STAU1: variants seen among roughly 807,000 people sequenced by gnomAD.
STAU1 encodes double-stranded RNA-binding protein Staufen homolog 1.
STAU1 carries 13 observed loss-of-function variants against 62.9 expected under a neutral mutation model. The ratio of observed to expected loss-of-function variants is 0.21; its 90% CI spans 0.13 to 0.33. The LOEUF is 0.33. Ranked by LOEUF, STAU1 falls within the 10% of genes least tolerant of loss-of-function variation. The probability of loss-of-function intolerance (pLI) is 1.00; values close to 1 mark genes in which losing one functional copy is unlikely to be tolerated. For missense variants in STAU1, 571 were observed against 712.1 expected (o/e 0.80, Z 2.25); for synonymous variants, 269 against 265.1 (o/e 1.01, Z -0.14).
chr20:49,190,844 T>C (rs900419557), upstream of STAU1, among the ~76,000 whole-genome samples: 3 of 152,004 alleles, frequency 2.0e-5, no homozygotes, highest in Admixed American at 6.6e-5. Context: ...AGATAAATTA[T>C]GTGCATCTGT....
At chr20:49,207,756 G>C in the STAU1 span, among the ~76,000 whole-genome samples, 1 of 151,700 alleles carries the variant, frequency 6.6e-6, no homozygotes. Flanking sequence ...GGCTGACCTC[G>C]TGATCCACCC....
rs1309573018 is a variant in STAU1, at chr20:49,181,763, C to CAAAAAAAAAAAAAAAAAAAAA, written c.-160+6352_-160+6353insTTTTTTTTTTTTTTTTTTTTT. ...CCTGGGCAACAGAGCAAGACTATCT[C>CAAAAAAAAAAAAAAAAAAAAA]AACAAAAAAAAAAAAAAAAAAAAAA... On this transcript the variant is annotated intron_variant, in intron 1 of 13. Transcript: ENST00000371856. 9.0e-5 allele frequency among the ~76,000 whole-genome samples: 6 copies of CAAAAAAAAAAAAAAAAAAAAA among 66,702 alleles called. 3 individuals carry two copies. The highest frequency in any genetic ancestry group is 1.1e-4 in the Non-Finnish European group (4 of 35,820). The allele number at this position is 66,702 out of a possible 152,430, so 43.8% of individuals were successfully genotyped here. A position where few individuals can be genotyped will look rare whatever the true frequency, so the allele number is the denominator to read the frequency against.
chr20:49,169,448 G>A (rs188354565), intron 2 of STAU1, among the ~76,000 whole-genome samples: 1 of 152,314 alleles, frequency 6.6e-6, no homozygotes, highest in Non-Finnish European at 1.5e-5. Flanking sequence ...GAACTTCTGT[G>A]TAAATTCTAA....
At chr20:49,197,934 C>G in the STAU1 span, among the ~76,000 whole-genome samples, 1 of 152,124 alleles carries the variant, frequency 6.6e-6, no homozygotes, top group Non-Finnish European at 1.5e-5. Flanking sequence ...GTCTCTAACT[C>G]CTGGCCTCAA....
At chr20:49,212,798 A>G in the STAU1 span, among the ~76,000 whole-genome samples, 4 of 151,332 alleles carry the variant, frequency 2.6e-5, no homozygotes, top group Admixed American at 2.0e-4. Flanking sequence ...GGGTTTCTCC[A>G]TGTTGGTCAG....
intron 6 of STAU1, among the ~76,000 whole-genome samples, chr20:49,128,899 A>G (rs1227710319): frequency 6.6e-6 from 1 of 152,052 alleles, no homozygotes; most frequent in Non-Finnish European, 1.5e-5. Flanking sequence ...AAATGACTTT[A>G]GGTTAGCCAA....
intron 6 of STAU1, among the ~76,000 whole-genome samples, chr20:49,133,525 T>A (rs2092800757): frequency 1.3e-5 from 2 of 152,160 alleles, no homozygotes; most frequent in Admixed American, 1.3e-4. Flanking sequence ...TCATGACTCC[T>A]TGGGATGCAG....
Position 49,117,653 on chromosome 20 carries a change from C to T in STAU1, c.1509+124G>A. The T allele has an allele frequency of 1.0e-6, 1 of 988,704 alleles. No homozygotes were observed. Among genetic ancestry groups the T allele is most frequent in the Non-Finnish European group, 1.5e-6 (1 of 687,186 alleles). 61.2% of individuals were successfully genotyped at this position (988,704 alleles called of 1,614,324 possible). On this transcript the variant is annotated intron_variant, in intron 11 of 13. Transcript: ENST00000371856. The surrounding 1 kb of genome is among the most constrained non-coding windows in gnomAD (Gnocchi z 4.6). ...CTCCTACCCTTCCATCACTGCTCCC[C>T]AGCCCATCCCTGGACAGAACTTGAT...
chr20:49,147,575 A>G (rs908348976), intron 5 of STAU1, among the ~76,000 whole-genome samples: 1 of 152,224 alleles, frequency 6.6e-6, no homozygotes, highest in Non-Finnish European at 1.5e-5. Flanking sequence ...GAACTTGGCC[A>G]TATGTACCAC....
intron 3 of STAU1, among the ~76,000 whole-genome samples, chr20:49,154,885 G>C (rs927309708): frequency 1.3e-5 from 2 of 150,206 alleles, no homozygotes; most frequent in Admixed American, 1.3e-4. Flanking sequence ...AGGAGTTCGA[G>C]ACCAGCCTGG....
At chr20:49,208,622 CT>C in the STAU1 span, among the ~76,000 whole-genome samples, 287 of 140,266 alleles carry the variant, frequency 2.0e-3, no homozygotes, top group African/African-American at 1.8e-3. Context: ...GAGATCCTGT[CT>C]TTTTTTTTTT....
intron 2 of STAU1, among the ~76,000 whole-genome samples, chr20:49,166,756 C>CT (rs1405776479): frequency 2.0e-5 from 3 of 152,168 alleles, no homozygotes; most frequent in Non-Finnish European, 4.4e-5. Flanking sequence ...GACCAAGGCT[C>CT]AGACTGACAA....
chr20:49,176,378 T>C (rs1467037528), intron 1 of STAU1, among the ~76,000 whole-genome samples: 3 of 152,200 alleles, frequency 2.0e-5, no homozygotes, highest in Non-Finnish European at 4.4e-5. Context: ...GAATTTGAGT[T>C]TAATTCTCAA....
intron 6 of STAU1, among the ~76,000 whole-genome samples, chr20:49,127,849 C>CA (rs894029264): frequency 1.1e-4 from 16 of 150,544 alleles, no homozygotes; most frequent in South Asian, 4.2e-4. Flanking sequence ...CCCGTCTCTA[C>CA]AAAAAAAATA....
intron 7 of STAU1, 83 bp downstream of exon 7, chr20:49,124,292 C>T: frequency 2.1e-6 from 3 of 1,452,692 alleles, no homozygotes; most frequent in Non-Finnish European, 1.9e-6. Flanking sequence ...CCCCTTTCAC[C>T]TTGGGGACAG....
At chr20:49,177,732 G>A (rs1020744218) in intron 1 of STAU1, among the ~76,000 whole-genome samples, 4 of 151,386 alleles carry the variant, frequency 2.6e-5, no homozygotes, top group East Asian at 1.9e-4. Flanking sequence ...ATATAAGAAC[G>A]GAAAAAGGAG....
At chr20:49,188,626 T>G (rs1013925614), upstream of STAU1, among the ~76,000 whole-genome samples, 37 of 152,154 alleles carry the variant, frequency 2.4e-4, no homozygotes, top group African/African-American at 8.7e-4. Context: ...TCGAAGCGGG[T>G]CTGGGAGAAC....
At chr20:49,145,934 C>T (rs1434576375) in intron 5 of STAU1, among the ~76,000 whole-genome samples, 3 of 151,770 alleles carry the variant, frequency 2.0e-5, no homozygotes, top group African/African-American at 7.3e-5. Context: ...AAAAAGAAAA[C>T]TAGGTCCAAT....
chr20:49,188,673 C>T (rs111890038), upstream of STAU1, among the ~76,000 whole-genome samples: 21 of 152,298 alleles, frequency 1.4e-4, 2 homozygotes, highest in African/African-American at 5.1e-4. Flanking sequence ...TTCCTTTTTC[C>T]TTCCTTGCTG....
Sources: gnomAD v4.1 joint callset for allele counts (sites outside exome capture counted in the v4.1 genomes callset) on GRCh38, gnomAD v4.1.1 for gene constraint, Gnocchi (gnomAD v3.1) non-coding constraint, MANE v1.5 for transcripts, NCBI Gene and HGNC (gene_info 2026-07-23, HGNC 2026-07-21) for gene names.